Variants in SLC2A14 observed in about 807,000 individuals in gnomAD.
SLC2A14 encodes the protein solute carrier family 2 member 14.
SLC2A14 carries 13 observed loss-of-function variants against 43.0 expected under a neutral mutation model. That is an observed-to-expected ratio of 0.30 (90% CI 0.20 to 0.48). SLC2A14 has a LOEUF of 0.48. SLC2A14 is among the 20% of genes least tolerant of loss of function. SLC2A14 has a pLI of 0.99. For missense variants in SLC2A14, 428 were observed against 620.4 expected, an observed-to-expected ratio of 0.69 and a Z score of 3.29; for synonymous variants, 190 against 233.8, an observed-to-expected ratio of 0.81 and a Z score of 1.71.
intron 7 of SLC2A14, 117 bp downstream of exon 7, chr12:7,827,378 C>A (rs189721657): frequency 1.7e-5 from 25 of 1,437,756 alleles, no homozygotes; most frequent in Non-Finnish European, 2.3e-5. Context: ...CGGGTTCAAG[C>A]GATTCTCCTG....
Position 7,813,492 on chromosome 12 carries a change from G to C in SLC2A14, c.*824C>G, listed in dbSNP as rs1565484969. On this transcript the variant is annotated 3_prime_UTR_variant, in exon 11 of 11. Coordinates refer to ENST00000431042, the MANE Select transcript of SLC2A14 (RefSeq NM_001286234.2). ...ATTAGTTAATAATCCTAGATTTCAA[G>C]TACTACTACATGTAAACTATTATCT... The C allele has an allele frequency of 6.6e-6, 1 of 152,126 alleles. No homozygotes were observed. Among genetic ancestry groups the C allele is most frequent in the Non-Finnish European group, 1.5e-5 (1 of 68,038 alleles). The allele number at this position is 152,126 out of a possible 1,614,324, so 9.4% of individuals were successfully genotyped here.
intron 1 of SLC2A14, among the ~76,000 whole-genome samples, chr12:7,882,287 T>G (rs991174499): frequency 1.3e-5 from 2 of 150,344 alleles, no homozygotes; most frequent in Non-Finnish European, 2.9e-5. Flanking sequence ...ACCGTGAAGG[T>G]CTGCAGGTTC....
intron 1 of SLC2A14, among the ~76,000 whole-genome samples, chr12:7,883,928 C>CTTTCTTTCA (rs1350899536): frequency 6.7e-6 from 1 of 150,218 alleles, no homozygotes; most frequent in East Asian, 2.0e-4. Context: ...TTCTTTCTTT[C>CTTTCTTTCA]TTTTTTTTTG....
chr12:7,818,691 C>T (rs1338898722), intron 9 of SLC2A14, among the ~76,000 whole-genome samples: 11 of 145,710 alleles, frequency 7.5e-5, no homozygotes, highest in African/African-American at 2.8e-4. Context: ...CAAAAAAATA[C>T]TTTTTTTTTT....
upstream of SLC2A14, among the ~76,000 whole-genome samples, chr12:7,874,360 C>G (rs1307545211): frequency 6.6e-6 from 1 of 152,014 alleles, no homozygotes; most frequent in African/African-American, 2.4e-5. Context: ...CTCAGCCTGG[C>G]CTTTGCAATC....
At chr12:7,815,290 C>T (rs1275433293) in intron 10 of SLC2A14, among the ~76,000 whole-genome samples, 1 of 151,892 alleles carries the variant, frequency 6.6e-6, no homozygotes, top group African/African-American at 2.4e-5. Flanking sequence ...GTGGCACGTG[C>T]CTGTAATCCT....
At chr12:7,865,096 G>A (rs1944835066) in intron 2 of SLC2A14, among the ~76,000 whole-genome samples, 1 of 152,110 alleles carries the variant, frequency 6.6e-6, no homozygotes, top group Non-Finnish European at 1.5e-5. Context: ...TTGAGTCTCT[G>A]TGCCACATTC....
chr12:7,881,859 T>A (rs1429885575), intron 1 of SLC2A14, among the ~76,000 whole-genome samples: 21 of 152,138 alleles, frequency 1.4e-4, no homozygotes, highest in Admixed American at 1.4e-3. Context: ...TGTGTCTAGC[T>A]CAGGGTTTGT....
At chr12:7,822,941 C>T (rs1354683625) in intron 7 of SLC2A14, among the ~76,000 whole-genome samples, 5 of 152,192 alleles carry the variant, frequency 3.3e-5, no homozygotes, top group Non-Finnish European at 7.3e-5. Flanking sequence ...TAACCTTATC[C>T]TGCTCCTTGA....
chr12:7,880,777 C>T (rs747352469), intron 1 of SLC2A14, among the ~76,000 whole-genome samples: 61 of 150,064 alleles, frequency 4.1e-4, no homozygotes, highest in African/African-American at 7.6e-4. Context: ...GAGGCTGAGG[C>T]GGGTGGATCA....
chr12:7,814,926 A>G lies in SLC2A14; in HGVS notation c.1276-392T>C, dbSNP rs182842735. Among the ~76,000 whole-genome samples, 1,321 of 152,028 alleles carry G rather than the reference A, an allele frequency of 8.7e-3. 27 individuals are homozygous for G. Among genetic ancestry groups the G allele is most frequent in the African/African-American group, 0.03 (1,260 of 41,514 alleles). ...GCGATTCTCCTGTCTCAGCCTCCTGAGTAGCTGGGACTACAGGTGCCCACC... is the reference window on the plus strand; with the variant it reads ...GCGATTCTCCTGTCTCAGCCTCCTGGGTAGCTGGGACTACAGGTGCCCACC... On this transcript the variant is annotated intron_variant, in intron 10 of 10. Transcript: ENST00000431042.
intron 2 of SLC2A14, among the ~76,000 whole-genome samples, chr12:7,865,915 C>T (rs575165748): frequency 1.6e-4 from 24 of 152,192 alleles, no homozygotes; most frequent in Non-Finnish European, 3.1e-4. Flanking sequence ...CTCCAGTGAA[C>T]ACACTGAAAG....
chr12:7,850,007 G>A (rs1309373470), intron 2 of SLC2A14, among the ~76,000 whole-genome samples: 2 of 149,690 alleles, frequency 1.3e-5, no homozygotes, highest in Non-Finnish European at 3.0e-5. Flanking sequence ...ATGTGGTGCT[G>A]GAGGGGACAA....
chr12:7,890,892 T>A, intron 1 of SLC2A14: 1 of 1,307,014 alleles, frequency 7.7e-7, no homozygotes, highest in Non-Finnish European at 1.0e-6. Flanking sequence ...TAACACACTG[T>A]GCTGATTAAG....
intron 2 of SLC2A14, among the ~76,000 whole-genome samples, chr12:7,867,775 G>A (rs1417200073): frequency 2.0e-5 from 3 of 151,446 alleles, no homozygotes; most frequent in African/African-American, 7.3e-5. Flanking sequence ...AACCTGGGAG[G>A]TGGAGGTTGC....
chr12:7,815,287 G>A (rs1033243640), intron 10 of SLC2A14, among the ~76,000 whole-genome samples: 4 of 151,734 alleles, frequency 2.6e-5, no homozygotes, highest in African/African-American at 4.8e-5. Context: ...GTGGTGGCAC[G>A]TGCCTGTAAT....
At chr12:7,874,544 C>T (rs763826255), upstream of SLC2A14, among the ~76,000 whole-genome samples, 26 of 151,274 alleles carry the variant, frequency 1.7e-4, no homozygotes, top group African/African-American at 4.4e-4. Flanking sequence ...TGGTGGCATG[C>T]GCCTGTAATC....
chr12:7,833,731 G>A (rs188855898), intron 2 of SLC2A14, among the ~76,000 whole-genome samples: 52 of 151,072 alleles, frequency 3.4e-4, no homozygotes, highest in African/African-American at 1.1e-3. Flanking sequence ...GCAGTGAGCC[G>A]AGACCGTGCC....
At chr12:7,878,090 G>A (rs4469971), upstream of SLC2A14, among the ~76,000 whole-genome samples, 147,073 of 151,898 alleles carry the variant, frequency 0.97, 71,348 homozygotes, top group Non-Finnish European at 1. Flanking sequence ...CACTCTTGTC[G>A]CCCAGGCTGG....
Sources: allele counts gnomAD v4.1 joint callset (sites outside exome capture counted in the v4.1 genomes callset), GRCh38; gene constraint gnomAD v4.1.1; transcripts MANE v1.5; gene names NCBI Gene and HGNC (gene_info 2026-07-23, HGNC 2026-07-21).